Variants in RTCA observed in about 807,000 individuals in gnomAD.
The protein encoded by RTCA is RNA 3'-terminal phosphate cyclase, also known as RNA terminal phosphate cyclase domain 1.
RTCA carries 37 observed loss-of-function variants against 46.1 expected under a neutral mutation model. That is an observed-to-expected ratio of 0.80 (90% CI 0.62 to 1.06). The LOEUF (loss-of-function observed/expected upper bound fraction) is 1.06, where lower values mean the gene tolerates loss of function less well. RTCA is among the 50% of genes least tolerant of loss of function. The pLI, the probability that RTCA is intolerant of heterozygous loss-of-function variation, is 0.00. For synonymous variants in RTCA, 164 were observed against 158.3 expected, an observed-to-expected ratio of 1.04 and a Z score of -0.27; for missense variants, 435 against 455.5, an observed-to-expected ratio of 0.95 and a Z score of 0.41.
chr1:100,292,389 G>C lies in RTCA; in HGVS notation c.*885G>C, dbSNP rs569630171. On this transcript the variant is annotated 3_prime_UTR_variant, in exon 11 of 11. Transcript: ENST00000370128. ...ACAATCTCAGCTCACTGCAACCTCC[G>C]CCTTCCAGGTTGAAGTGATTCTCCA... 4 of 152,170 alleles carry C rather than the reference G, an allele frequency of 2.6e-5. No individual in the cohort carries two copies. The East Asian group carries it at 7.7e-4, about 29-fold the overall frequency. The allele number at this position is 152,170 out of a possible 1,614,324, so 9.4% of individuals were successfully genotyped here. A position where few individuals can be genotyped will look rare whatever the true frequency, so the allele number is the denominator to read the frequency against.
In RTCA at chr1:100,266,266, C is replaced by T; in HGVS notation, c.-110C>T. Reference sequence around the variant, plus strand: ...CCGCTTTCTCGTCAGGCTCCTGCGCCCCAGGCATGAACCAAGGTTTCTGAA... The same window carrying T: ...CCGCTTTCTCGTCAGGCTCCTGCGCTCCAGGCATGAACCAAGGTTTCTGAA... On this transcript the variant is annotated 5_prime_UTR_variant, in exon 1 of 11. Transcript: ENST00000370128. The T allele has an allele frequency of 7.2e-7, 1 of 1,383,338 alleles. No individual in the cohort carries two copies. The highest frequency in any genetic ancestry group is 1.0e-6 in the Non-Finnish European group (1 of 1,003,756). 85.7% of individuals were successfully genotyped at this position (1,383,338 alleles called of 1,614,324 possible).
intron 5 of RTCA, 34 bp from the exon 6 acceptor site, chr1:100,274,790 C>T (rs764959773): frequency 6.4e-6 from 10 of 1,563,144 alleles, no homozygotes; most frequent in East Asian, 2.3e-5. Context: ...GTCATGCAAT[C>T]AGTTTATGTG....
intron 4 of RTCA, 43 bp from the exon 5 acceptor site, chr1:100,273,351 G>A (rs761467050): frequency 1.6e-5 from 21 of 1,281,892 alleles, no homozygotes; most frequent in Admixed American, 8.5e-5. Context: ...TTAAATTAGT[G>A]AATATTGCTG....
chr1:100,281,648 C>G (rs530620673), intron 8 of RTCA, among the ~76,000 whole-genome samples: 2 of 152,178 alleles, frequency 1.3e-5, no homozygotes, highest in Non-Finnish European at 2.9e-5. Flanking sequence ...GTAATTGCCT[C>G]ACTTATAGCA....
In RTCA at chr1:100,292,644, G is replaced by A. The variant is rs1667413667; in HGVS notation, c.*1140G>A. The A allele has an allele frequency of 2.0e-5, 3 of 151,866 alleles. No individual in the cohort carries two copies. Among genetic ancestry groups the A allele is most frequent in the African/African-American group, 7.2e-5 (3 of 41,408 alleles). 9.4% of individuals were successfully genotyped at this position (151,866 alleles called of 1,614,324 possible). On this transcript the variant is annotated 3_prime_UTR_variant, in exon 11 of 11. Coordinates refer to ENST00000370128, the MANE Select transcript of RTCA (RefSeq NM_003729.4). Reference sequence around the variant, plus strand: ...TGAATCTGTTTTGGAAGCCAAATATGTTTTGGAAGCCAAACAATTAAGAGA... The same window carrying A: ...TGAATCTGTTTTGGAAGCCAAATATATTTTGGAAGCCAAACAATTAAGAGA...
chr1:100,272,937 TG>T (rs1419877185), intron 4 of RTCA, among the ~76,000 whole-genome samples: 3 of 152,216 alleles, frequency 2.0e-5, no homozygotes, highest in Non-Finnish European at 4.4e-5. Context: ...ATTCAGATTT[TG>T]TTTAGGAATA....
At position 100,291,755 on chromosome 1, in the gene RTCA, A is replaced by C. The variant is rs1667363359; in HGVS notation, c.*251A>C. The stretch of plus-strand genomic sequence containing the variant: ...TTCAATATTGAAGTATTGAAATAAA[A>C]TATTCTTTACACCTGAAGTAAATAC... On this transcript the variant is annotated 3_prime_UTR_variant, in exon 11 of 11. Coordinates refer to ENST00000370128, the MANE Select transcript of RTCA (RefSeq NM_003729.4). 4.1e-6 allele frequency: 1 copy of C among 244,030 alleles called. No homozygotes were observed. The highest frequency in any genetic ancestry group is 7.8e-6 in the Non-Finnish European group (1 of 128,672). The allele number at this position is 244,030 out of a possible 1,614,324, so 15.1% of individuals were successfully genotyped here. A position where few individuals can be genotyped will look rare whatever the true frequency, so the allele number is the denominator to read the frequency against.
chr1:100,285,116 GC>G, intron 8 of RTCA, 111 bp from the exon 9 acceptor site: 1 of 734,374 alleles, frequency 1.4e-6, no homozygotes, highest in East Asian at 2.7e-5. Flanking sequence ...GGTTTTTGAG[GC>G]CTAAAAATTG....
intron 8 of RTCA, among the ~76,000 whole-genome samples, chr1:100,278,002 A>G (rs1011712843): frequency 6.6e-6 from 1 of 152,234 alleles, no homozygotes; most frequent in African/African-American, 2.4e-5. Flanking sequence ...ATTTTTATTA[A>G]GAATACTACA....
chr1:100,283,945 AAAAAGAAAAAAC>A (rs1407826451), intron 8 of RTCA, among the ~76,000 whole-genome samples: 2,261 of 135,704 alleles, frequency 0.017, 150 homozygotes, highest in African/African-American at 0.049. Context: ...GAAAAAAAAA[AAAAAGAAAAAAC>A]AAGAAAAAAC....
At chr1:100,287,031 C>G in intron 9 of RTCA, 68 bp from the exon 10 acceptor site, 3 of 1,036,038 alleles carry the variant, frequency 2.9e-6, no homozygotes, top group Non-Finnish European at 4.1e-6. Context: ...TTATTATGGG[C>G]AGCAGTGGAA....
At chr1:100,269,403 G>A (rs568883957) in intron 3 of RTCA, among the ~76,000 whole-genome samples, 19 of 144,786 alleles carry the variant, frequency 1.3e-4, no homozygotes, top group Admixed American at 1.1e-3. Flanking sequence ...CTGGAGTGCA[G>A]TGGCATGATC....
In RTCA at chr1:100,270,569, C is replaced by G; in HGVS notation, c.303C>G (p.Leu101=). Residue 101 remains leucine, a synonymous_variant, in exon 4 of 11, where the codon CTC becomes CTG. Transcript: ENST00000370128. ...GCCTTCTCCTTAGGAGTGTGTGCCT[C>G]TTGATGCAGGTCTCAATGCCGTGTG... The part of the protein sequence containing the change: ...ADTKTAGSVC[L]LMQVSMPCVL... The G allele has an allele frequency of 6.2e-7, 1 of 1,614,044 alleles. No individual in the cohort carries two copies. The highest frequency in any genetic ancestry group is 8.5e-7 in the Non-Finnish European group (1 of 1,179,954).
intron 8 of RTCA, among the ~76,000 whole-genome samples, chr1:100,280,990 T>C (rs1666674944): frequency 6.6e-6 from 1 of 152,080 alleles, no homozygotes; most frequent in African/African-American, 2.4e-5. Context: ...GCCTAGGTGA[T>C]AGAGCAAGAC....
intron 4 of RTCA, 108 bp downstream of exon 4, chr1:100,270,788 T>G: frequency 5.4e-6 from 7 of 1,307,818 alleles, no homozygotes; most frequent in Non-Finnish European, 6.3e-6. Context: ...TGTTTATCTC[T>G]TCATGGTGTC....
intron 7 of RTCA, 64 bp from the exon 8 acceptor site, chr1:100,277,194 G>A: frequency 6.9e-7 from 1 of 1,440,210 alleles, no homozygotes; most frequent in Admixed American, 1.7e-5. Flanking sequence ...GTTCTCTTTT[G>A]TTGTATTTGC....
In RTCA at chr1:100,268,228, A is replaced by T. The variant is rs1270880419; in HGVS notation, c.223A>T (p.Thr75Ser). 1.2e-6 allele frequency: 2 copies of T among 1,614,078 alleles called. No individual in the cohort carries two copies. The highest frequency in any genetic ancestry group is 1.7e-6 in the Non-Finnish European group (2 of 1,180,040). ...GQLEGAEIGSTEITFTPEKIK... is the reference protein window; with the variant it reads ...GQLEGAEIGSSEITFTPEKIK... ...ACTGGAGGGGGCAGAAATTGGCTCA[A>T]CAGAAATAACCTTTACACCAGAGAA... Residue 75 changes from threonine to serine, a missense_variant, in exon 3 of 11, where the codon ACA becomes TCA. Physicochemically the swap from Thr to Ser is moderately conservative, Grantham distance 58. Transcript: ENST00000370128.
intron 10 of RTCA, among the ~76,000 whole-genome samples, chr1:100,289,566 T>A (rs1002892131): frequency 6.6e-6 from 1 of 151,988 alleles, no homozygotes; most frequent in African/African-American, 2.4e-5. Context: ...GTTAACTCTA[T>A]TTTTTTTGTT....
intron 3 of RTCA, among the ~76,000 whole-genome samples, chr1:100,268,976 C>G (rs931273762): frequency 1.3e-5 from 2 of 151,528 alleles, no homozygotes; most frequent in Admixed American, 1.3e-4. Context: ...ATCGCTTGAG[C>G]TCACAAATTT....
Sources: allele counts gnomAD v4.1 joint callset (sites outside exome capture counted in the v4.1 genomes callset), GRCh38; gene constraint gnomAD v4.1.1; transcripts MANE v1.5; gene names NCBI Gene and HGNC (gene_info 2026-07-23, HGNC 2026-07-21).